OTUD7A: variants seen among roughly 807,000 people sequenced by gnomAD.
OTUD7A encodes OTU deubiquitinase 7A.
Under a neutral mutation model 65.7 loss-of-function variants are expected in OTUD7A, and 12 were observed. The ratio of observed to expected loss-of-function variants is 0.18; its 90% CI spans 0.12 to 0.30. OTUD7A has a LOEUF of 0.30. Among genes scored for constraint, OTUD7A ranks in the 10% least tolerant of loss-of-function variants. The pLI is 1.00. For missense variants in OTUD7A, 1,148 were observed against 1,304.8 expected, an observed-to-expected ratio of 0.88 and a Z score of 1.85; for synonymous variants, 641 against 586.3, an observed-to-expected ratio of 1.09 and a Z score of -1.35.
At chr15:31,650,039 C>T (rs1000544117) in intron 3 of OTUD7A, among the ~76,000 whole-genome samples, 3 of 105,902 alleles carry the variant, frequency 2.8e-5, no homozygotes, top group Non-Finnish European at 5.3e-5. Context: ...CTAATTTATC[C>T]TTTTTTTTTT....
At chr15:31,561,733 T>C (rs565740659) in intron 4 of OTUD7A, among the ~76,000 whole-genome samples, 4 of 152,184 alleles carry the variant, frequency 2.6e-5, no homozygotes, top group South Asian at 2.1e-4. Context: ...TAACATTTCC[T>C]GTGACACCCC....
chr15:31,619,241 T>C (rs1176231510), intron 3 of OTUD7A, among the ~76,000 whole-genome samples: 6 of 152,248 alleles, frequency 3.9e-5, no homozygotes, highest in Non-Finnish European at 7.3e-5. Context: ...TGGCTTAGGA[T>C]TGACTTGGCA....
chr15:31,622,785 A>C (rs2141238783), intron 3 of OTUD7A, among the ~76,000 whole-genome samples: 1 of 152,368 alleles, frequency 6.6e-6, no homozygotes, highest in South Asian at 2.1e-4. Flanking sequence ...TTCTCCGTCC[A>C]GCTTTGTTCC....
chr15:31,530,933 T>G (rs2042077388), intron 5 of OTUD7A, 125 bp from the exon 6 acceptor site: 1 of 612,938 alleles, frequency 1.6e-6, no homozygotes. Context: ...GGGGGAACAT[T>G]ATGGCTACTT....
In OTUD7A at chr15:31,487,386, C is replaced by A. The variant is rs2041252841; in HGVS notation, c.1286+66G>T. On this transcript the variant is annotated intron_variant, in intron 11 of 12. Coordinates refer to ENST00000307050, the MANE Select transcript of OTUD7A (RefSeq NM_001382637.1). The surrounding 1 kb of genome is among the most constrained non-coding windows in gnomAD (Gnocchi z 6.0). ...GAGGAGCAGGGGTGGTACATTCCCT[C>A]CCCAGGATGCCCCAGCCATAGCCCT... is the stretch of plus-strand genomic sequence containing the variant. 2 of 1,582,406 alleles carry A rather than the reference C, an allele frequency of 1.3e-6. No individual in the cohort carries two copies. Among genetic ancestry groups the A allele is most frequent in the South Asian group, 2.3e-5 (2 of 88,748 alleles).
In OTUD7A at chr15:31,483,687, C is replaced by T. The variant is rs1401377086; in HGVS notation, c.2409G>A (p.Thr803=). ...PAVGALRPCA[T]YPQQNRSLSS... ...ACAGCGAGCGGTTCTGCTGCGGGTA[C>T]GTGGCGCACGGCCGCAGCGCCCCCA... Residue 803 remains threonine (T), a synonymous_variant, in exon 13 of 13, where the codon ACG becomes ACA. Transcript: ENST00000307050. The T allele has an allele frequency of 6.0e-6, 7 of 1,160,192 alleles. No homozygotes were observed. The East Asian group carries it at 2.1e-4, about 34-fold the overall frequency. 71.9% of individuals were successfully genotyped at this position (1,160,192 alleles called of 1,614,324 possible). A position where few individuals can be genotyped will look rare whatever the true frequency, so the allele number is the denominator to read the frequency against.
chr15:31,869,090 T>G (rs1319605417), intron 1 of OTUD7A, among the ~76,000 whole-genome samples: 3 of 152,250 alleles, frequency 2.0e-5, no homozygotes, highest in Non-Finnish European at 4.4e-5. Context: ...ATACTCAGAT[T>G]GCCTTGGGAA....
chr15:31,652,363 T>C (rs1200901165), intron 3 of OTUD7A, among the ~76,000 whole-genome samples: 1 of 152,214 alleles, frequency 6.6e-6, no homozygotes, highest in African/African-American at 2.4e-5. Flanking sequence ...TAGATCTAAA[T>C]GTAAAACATG....
chr15:31,638,320 AT>A (rs1431923792), intron 3 of OTUD7A, among the ~76,000 whole-genome samples: 2 of 151,698 alleles, frequency 1.3e-5, no homozygotes, highest in Admixed American at 6.6e-5. Context: ...AGTTATGTAC[AT>A]TTTTTAGATA....
intron 3 of OTUD7A, among the ~76,000 whole-genome samples, chr15:31,622,548 G>C (rs1321936508): frequency 6.6e-6 from 1 of 152,078 alleles, no homozygotes; most frequent in African/African-American, 2.4e-5. Flanking sequence ...TCTTCCAGTT[G>C]ATGGAATTGG....
chr15:31,497,310 C>T (rs764388074), intron 10 of OTUD7A, among the ~76,000 whole-genome samples: 5 of 151,512 alleles, frequency 3.3e-5, no homozygotes, highest in East Asian at 3.9e-4. Context: ...AGTGCAGTGA[C>T]GCAAGCTTGG....
chr15:31,796,880 A>G (rs1449564554), intron 1 of OTUD7A, among the ~76,000 whole-genome samples: 2 of 152,144 alleles, frequency 1.3e-5, no homozygotes, highest in East Asian at 1.9e-4. Context: ...GATTACAGGC[A>G]TGCACCACCA....
intron 1 of OTUD7A, among the ~76,000 whole-genome samples, chr15:31,668,322 T>C (rs181784605): frequency 2.6e-5 from 4 of 152,346 alleles, no homozygotes; most frequent in Admixed American, 2.6e-4. Context: ...CCCAGCCTTC[T>C]TGGAGGCTTT....
intron 10 of OTUD7A, 62 bp downstream of exon 10, chr15:31,501,628 C>T: frequency 1.9e-6 from 3 of 1,603,968 alleles, no homozygotes; most frequent in Non-Finnish European, 2.6e-6. Flanking sequence ...AATGGGGTCC[C>T]TTCTGATGGC....
intron 1 of OTUD7A, among the ~76,000 whole-genome samples, chr15:31,674,954 C>T (rs1484902195): frequency 3.3e-5 from 5 of 152,052 alleles, no homozygotes; most frequent in Admixed American, 1.3e-4. Context: ...ACAGTCCACC[C>T]GTGGACTTCT....
At chr15:31,562,547 T>C (rs1888725346) in intron 4 of OTUD7A, among the ~76,000 whole-genome samples, 1 of 151,854 alleles carries the variant, frequency 6.6e-6, no homozygotes, top group African/African-American at 2.4e-5. Flanking sequence ...CCTCCCCGTG[T>C]GGCCCTGCAT....
At chr15:31,614,647 A>G (rs978197702) in intron 3 of OTUD7A, among the ~76,000 whole-genome samples, 1 of 152,174 alleles carries the variant, frequency 6.6e-6, no homozygotes, top group Non-Finnish European at 1.5e-5. Flanking sequence ...AAAATTTCAG[A>G]CACTTATCAC....
At chr15:31,531,163 T>G (rs1566906316) in intron 5 of OTUD7A, among the ~76,000 whole-genome samples, 1 of 152,212 alleles carries the variant, frequency 6.6e-6, no homozygotes, top group Non-Finnish European at 1.5e-5. Context: ...CTTGCTTTTT[T>G]GAGGCACACA....
At chr15:31,720,682 G>T (rs1032375054) in intron 1 of OTUD7A, among the ~76,000 whole-genome samples, 3 of 152,238 alleles carry the variant, frequency 2.0e-5, no homozygotes, top group African/African-American at 7.2e-5. Context: ...TTACAGGCGT[G>T]AGCCACCGCA....
Sources: gnomAD v4.1 joint callset for allele counts (sites outside exome capture counted in the v4.1 genomes callset) on GRCh38, gnomAD v4.1.1 for gene constraint, Gnocchi (gnomAD v3.1) non-coding constraint, MANE v1.5 for transcripts, NCBI Gene and HGNC (gene_info 2026-07-23, HGNC 2026-07-21) for gene names.